Variants in CEP76 observed in about 807,000 individuals in gnomAD.
CEP76 encodes the protein centrosomal protein 76, also known as centrosomal protein of 76 kDa.
In CEP76, 55 loss-of-function variants were observed where a neutral mutation model predicts 83.3. The ratio of observed to expected loss-of-function variants is 0.66; its 90% CI spans 0.53 to 0.83. The LOEUF (loss-of-function observed/expected upper bound fraction) is 0.83. Among genes scored for constraint, CEP76 ranks in the 40% least tolerant of loss-of-function variants. CEP76 has a pLI of 0.00. For missense variants in CEP76, 694 were observed against 799.5 expected (o/e 0.87, Z 1.59); for synonymous variants, 270 against 274.5 (o/e 0.98, Z 0.16).
intron 8 of CEP76, among the ~76,000 whole-genome samples, chr18:12,683,988 TATATATATGATATATATC>T (rs1200276157): frequency 2.3e-4 from 35 of 150,320 alleles, no homozygotes; most frequent in Admixed American, 1.7e-3. Flanking sequence ...AAAATCTAAA[TATATATATGATATATATC>T]ATATATATGA....
intron 1 of CEP76, 194 bp downstream of exon 1, chr18:12,702,292 G>C (rs2040184635): frequency 1.8e-6 from 1 of 549,650 alleles, no homozygotes; most frequent in Non-Finnish European, 3.2e-6. Flanking sequence ...GCACCTGCTC[G>C]GCTCGTTTTC....
Position 12,686,675 on chromosome 18 carries a change from C to T in CEP76, c.934-225G>A, listed in dbSNP as rs2039550553. ...AAACTGAGGAGCTACAGCTATTATG[C>T]AACAGAGCCAGGTTCAAGCTCTGAG... On this transcript the variant is annotated intron_variant, in intron 7 of 11. Transcript: ENST00000262127. 1.1e-5 allele frequency: 4 copies of T among 363,812 alleles called. No homozygotes were observed. The South Asian group carries it at 1.3e-4, about 12-fold the overall frequency. The allele number at this position is 363,812 out of a possible 1,614,324, so 22.5% of individuals were successfully genotyped here.
At chr18:12,688,390 T>C (rs552016574) in intron 7 of CEP76, among the ~76,000 whole-genome samples, 4 of 152,232 alleles carry the variant, frequency 2.6e-5, no homozygotes, top group African/African-American at 9.6e-5. Flanking sequence ...ATAATGAATT[T>C]TTAAGTATAA....
chr18:12,684,636 A>T (rs910314000), intron 8 of CEP76: 2 of 151,856 alleles, frequency 1.3e-5, no homozygotes, highest in Non-Finnish European at 2.9e-5. Flanking sequence ...GCCCGCCACC[A>T]TGGCTGGCTA....
intron 5 of CEP76, among the ~76,000 whole-genome samples, chr18:12,696,452 G>A (rs915164920): frequency 2.6e-5 from 4 of 152,000 alleles, no homozygotes; most frequent in Admixed American, 6.6e-5. Flanking sequence ...GCAGTGAGCC[G>A]AGATTGCAGC....
chr18:12,665,354 GA>G (rs757569569), intron 12 of CEP76, among the ~76,000 whole-genome samples: 15 of 152,152 alleles, frequency 9.9e-5, no homozygotes, highest in Admixed American at 1.3e-4. Flanking sequence ...TTGAGCCCAG[GA>G]GGTAGAGGTT....
intron 7 of CEP76, chr18:12,686,672 A>G (rs1316790899): frequency 2.5e-6 from 1 of 393,610 alleles, no homozygotes; most frequent in African/African-American, 2.1e-5. Context: ...TACAGCTATT[A>G]TGCAACAGAG....
intron 7 of CEP76, among the ~76,000 whole-genome samples, chr18:12,688,338 C>T (rs1192382118): frequency 6.6e-6 from 1 of 151,124 alleles, no homozygotes; most frequent in Non-Finnish European, 1.5e-5. Context: ...CAATGAATTA[C>T]TACTATACTA....
chr18:12,694,620 C>A (rs2039882253), intron 6 of CEP76, among the ~76,000 whole-genome samples: 1 of 152,110 alleles, frequency 6.6e-6, no homozygotes, highest in African/African-American at 2.4e-5. Flanking sequence ...AGCAAGCTTT[C>A]AATAAACGCC....
At chr18:12,666,756 A>G (rs2038813014) in intron 12 of CEP76, among the ~76,000 whole-genome samples, 1 of 152,072 alleles carries the variant, frequency 6.6e-6, no homozygotes, top group African/African-American at 2.4e-5. Context: ...GCCAAAAAAA[A>G]AAAAACTTTT....
intron 4 of CEP76, chr18:12,698,708 A>C: frequency 2.7e-6 from 1 of 376,684 alleles, no homozygotes; most frequent in Non-Finnish European, 4.8e-6. Context: ...CCTGCCTAGC[A>C]TAACACTATG....
At chr18:12,669,937 C>T (rs557802805), downstream of CEP76, among the ~76,000 whole-genome samples, 13 of 151,278 alleles carry the variant, frequency 8.6e-5, no homozygotes, top group East Asian at 2.3e-3. Flanking sequence ...GCGGAGGTTG[C>T]GGTGAGCCGA....
At position 12,674,542 on chromosome 18, in the gene CEP76, C is replaced by G. The variant is rs1568009822; in HGVS notation, c.1835G>C (p.Cys612Ser). The change falls in exon 11 of 12, where the codon TGT (cysteine) becomes TCT (serine). Residue 612 changes from cysteine (C) to serine (S), a missense_variant. By Grantham distance (112) the Cys-to-Ser change is moderately radical (BLOSUM62 -1). Coordinates refer to ENST00000262127, the MANE Select transcript of CEP76 (RefSeq NM_024899.4). ...TCCGTAAATTACACCTTACCGAAGA[C>G]ATGTGGCAAATGCACGTCTTGCATT... Reference protein sequence around the residue: ...YRNARRAFATCLRSPFCEEII... With the variant: ...YRNARRAFATSLRSPFCEEII... The G allele has an allele frequency of 6.2e-7, 1 of 1,611,842 alleles. No homozygotes were observed. Among genetic ancestry groups the G allele is most frequent in the African/African-American group, 1.3e-5 (1 of 74,904 alleles).
chr18:12,702,728 C>T (rs1417458882), upstream of CEP76: 6 of 660,324 alleles, frequency 9.1e-6, no homozygotes, highest in South Asian at 2.0e-5. Context: ...GGAAATGAGG[C>T]CCCGGCGGCG....
chr18:12,668,597 C>CAAAAAAAAAAAAAAAAAAAA (rs752216074), downstream of CEP76, among the ~76,000 whole-genome samples: 4 of 72,836 alleles, frequency 5.5e-5, no homozygotes, highest in Admixed American at 2.3e-4. Flanking sequence ...GATTCCATCT[C>CAAAAAAAAAAAAAAAAAAAA]AAAAAAAAAA....
intron 10 of CEP76, among the ~76,000 whole-genome samples, chr18:12,676,619 C>T (rs1291703861): frequency 6.6e-6 from 1 of 151,860 alleles, no homozygotes; most frequent in African/African-American, 2.4e-5. Flanking sequence ...TAAGCAGAAC[C>T]TAAGAAAAGA....
At chr18:12,680,612 A>G (rs755324150) in intron 9 of CEP76, 50 bp downstream of exon 9, 3 of 1,408,824 alleles carry the variant, frequency 2.1e-6, no homozygotes, top group Non-Finnish European at 2.9e-6. Context: ...AAAAAAAAAA[A>G]AAAAACTTAT....
At chr18:12,695,225 C>CA (rs761635273) in intron 6 of CEP76, 29 bp downstream of exon 6, 32 of 1,042,078 alleles carry the variant, frequency 3.1e-5, no homozygotes, top group Non-Finnish European at 4.3e-5. Context: ...AACAAACACA[C>CA]AAAAAAAGAG....
rs764113871 is a variant in CEP76 at position 12,697,399 on chromosome 18, G to A, written c.530C>T (p.Thr177Ile). 1 of 1,605,850 alleles carries A rather than the reference G, an allele frequency of 6.2e-7. No homozygotes were observed. The highest frequency in any genetic ancestry group is 8.5e-7 in the Non-Finnish European group (1 of 1,175,442). ...EVHRESLGDGTRMADSTTMLS... is the reference protein window; with the variant it reads ...EVHRESLGDGIRMADSTTMLS... Reference sequence around the variant, plus strand: ...CATTGTTGTTGAATCAGCCATTCTAGTTCCATCACCTAGCAATATAATCCA... The same window carrying A: ...CATTGTTGTTGAATCAGCCATTCTAATTCCATCACCTAGCAATATAATCCA... Residue 177 changes from threonine (T) to isoleucine (I), a missense_variant, in exon 5 of 12, where the codon ACT becomes ATT. Coordinates refer to ENST00000262127, the MANE Select transcript of CEP76 (RefSeq NM_024899.4).
Sources: allele counts gnomAD v4.1 joint callset (sites outside exome capture counted in the v4.1 genomes callset), GRCh38; gene constraint gnomAD v4.1.1; transcripts MANE v1.5; gene names NCBI Gene and HGNC (gene_info 2026-07-23, HGNC 2026-07-21).